UTRN: variants seen among roughly 807,000 people sequenced by gnomAD.
The protein encoded by UTRN is utrophin.
In UTRN, 283 loss-of-function variants were observed where a neutral mutation model predicts 463.9. That is an observed-to-expected ratio of 0.61 (90% CI 0.55 to 0.67). The LOEUF (loss-of-function observed/expected upper bound fraction) is 0.67. UTRN is among the 30% of genes least tolerant of loss of function. The pLI, the probability that UTRN is intolerant of heterozygous loss-of-function variation, is 0.00. For missense variants in UTRN, 3,922 were observed against 4,084.3 expected (o/e 0.96, Z 1.08); for synonymous variants, 1,442 against 1,431.5 (o/e 1.01, Z -0.17).
chr6:144,441,645 G>A (rs867625105), intron 13 of UTRN, among the ~76,000 whole-genome samples: 23 of 152,316 alleles, frequency 1.5e-4, no homozygotes, highest in East Asian at 3.9e-4. Flanking sequence ...GACAGTGGCC[G>A]TCTTCTCACA....
chr6:144,514,511 C>A, intron 36 of UTRN, 139 bp from the exon 37 acceptor site: 1 of 858,646 alleles, frequency 1.2e-6, no homozygotes, highest in East Asian at 2.6e-5. Flanking sequence ...GAACAGCTCT[C>A]ACCTGGTTGA....
In UTRN at chr6:144,602,609, A is replaced by C. The variant is rs551822208; in HGVS notation, c.7479+25321A>C. ...TGAATCAATGAGTGATGTCTGTCAT[A>C]GTGGTGGGAGTAGATTAATAAAGGA... On this transcript the variant is annotated intron_variant, in intron 51 of 74. Transcript: ENST00000367545. 2.0e-5 allele frequency among the ~76,000 whole-genome samples: 3 copies of C among 152,366 alleles called. No individual in the cohort carries two copies. In the East Asian group the frequency reaches 5.8e-4, roughly 29 times the overall value.
chr6:144,695,346 CT>C lies in UTRN; in HGVS notation c.7653-4726del, dbSNP rs202017323. On this transcript the variant is annotated intron_variant, in intron 52 of 74. Coordinates refer to ENST00000367545, the MANE Select transcript of UTRN (RefSeq NM_007124.3). ...TTCTCTTTGGATAGCCATGATTAAA[CT>C]TTTTTTTTTTTTTTGAGACAGAGTC... 3.8e-3 allele frequency among the ~76,000 whole-genome samples: 546 copies of C among 142,616 alleles called. 3 individuals carry two copies. The highest frequency in any genetic ancestry group is 0.011 in the Middle Eastern group (3 of 274). 93.6% of individuals were successfully genotyped at this position (142,616 alleles called of 152,430 possible).
chr6:144,743,122 G>A (rs1039060788), intron 54 of UTRN, among the ~76,000 whole-genome samples: 4 of 152,080 alleles, frequency 2.6e-5, no homozygotes, highest in Admixed American at 1.3e-4. Context: ...ATTCAATTCC[G>A]TCCAACTCAA....
At chr6:144,813,165 T>TTTTTTATTTTTA (rs202044328) in intron 65 of UTRN, among the ~76,000 whole-genome samples, 239 of 151,452 alleles carry the variant, frequency 1.6e-3, no homozygotes, top group African/African-American at 5.7e-3. Context: ...GTTGTTTTAT[T>TTTTTTATTTTTA]TTTTTATTTT....
intron 1 of UTRN, among the ~76,000 whole-genome samples, chr6:144,289,052 AGCCTCC>A (rs1361186247): frequency 2.0e-5 from 3 of 152,200 alleles, no homozygotes; most frequent in Admixed American, 6.5e-5. Flanking sequence ...TGCCTGCCTC[AGCCTCC>A]CAAAGAGCTG....
intron 51 of UTRN, among the ~76,000 whole-genome samples, chr6:144,616,422 A>T (rs1021974578): frequency 6.6e-6 from 1 of 152,160 alleles, no homozygotes; most frequent in Non-Finnish European, 1.5e-5. Context: ...GCTACAAGCC[A>T]TTATAATTTG....
intron 2 of UTRN, among the ~76,000 whole-genome samples, chr6:144,360,986 T>A (rs1779034606): frequency 6.6e-6 from 1 of 152,212 alleles, no homozygotes; most frequent in Non-Finnish European, 1.5e-5. Flanking sequence ...TGACTTTGAT[T>A]GATGAAAGAA....
chr6:144,700,063 AT>A (rs1784428730), intron 52 of UTRN, 23 bp from the exon 53 acceptor site: 1 of 1,546,992 alleles, frequency 6.5e-7, no homozygotes. Flanking sequence ...TGTGGTTATT[AT>A]TATTATTATT....
At chr6:144,345,038 TCATA>T (rs1377515800) in intron 2 of UTRN, among the ~76,000 whole-genome samples, 1 of 152,242 alleles carries the variant, frequency 6.6e-6, no homozygotes, top group Non-Finnish European at 1.5e-5. Context: ...TTTTATTCGA[TCATA>T]CATATCATGC....
intron 2 of UTRN, among the ~76,000 whole-genome samples, chr6:144,376,387 G>A (rs1379493641): frequency 1.3e-5 from 2 of 151,668 alleles, no homozygotes; most frequent in Non-Finnish European, 2.9e-5. Context: ...CTCGGGAGGC[G>A]TGAGTTGCAG....
chr6:144,429,625 T>C lies in UTRN; in HGVS notation c.739T>C (p.Leu247=). 1 of 1,612,584 alleles carries C rather than the reference T, an allele frequency of 6.2e-7. No homozygotes were observed. ...TGACAAGAAATCCATAATTATGTAT[T>C]TAACATCTTTGTTTGAGGTGCTACC... is the stretch of plus-strand genomic sequence containing the variant. ...LPDKKSIIMY[L]TSLFEVLPQQ... Residue 247 remains leucine (L), a synonymous_variant, in exon 9 of 75, where the codon TTA becomes CTA. Transcript: ENST00000367545.
chr6:144,817,756 T>C (rs978304568), intron 65 of UTRN, among the ~76,000 whole-genome samples: 6 of 152,204 alleles, frequency 3.9e-5, no homozygotes, highest in African/African-American at 1.2e-4. Context: ...CACTTTTTCT[T>C]TTAATATTGC....
chr6:144,671,159 TTC>T (rs1301857551), intron 51 of UTRN, among the ~76,000 whole-genome samples: 2 of 151,956 alleles, frequency 1.3e-5, no homozygotes, highest in Non-Finnish European at 2.9e-5. Context: ...TTTTTTTTTT[TTC>T]TAGTTCTATG....
intron 54 of UTRN, among the ~76,000 whole-genome samples, chr6:144,741,867 G>A (rs1047375629): frequency 6.6e-6 from 1 of 152,134 alleles, no homozygotes; most frequent in African/African-American, 2.4e-5. Flanking sequence ...CACAAGAAGA[G>A]TAAACCTTGA....
At chr6:144,628,654 A>G (rs929929848) in intron 51 of UTRN, among the ~76,000 whole-genome samples, 3 of 152,228 alleles carry the variant, frequency 2.0e-5, no homozygotes, top group Non-Finnish European at 2.9e-5. Context: ...ACTAACTCAT[A>G]TCCTAAATAG....
chr6:144,772,030 T>TG, intron 59 of UTRN, 62 bp downstream of exon 59: 3 of 1,035,322 alleles, frequency 2.9e-6, no homozygotes, highest in Non-Finnish European at 2.6e-6. Flanking sequence ...TTTTTTTTTT[T>TG]TTTTTTTTTT....
Position 144,593,813 on chromosome 6 carries a change from T to C in UTRN, c.7479+16525T>C, listed in dbSNP as rs562817590. Among the ~76,000 whole-genome samples the C allele has an allele frequency of 2.6e-5, 4 of 152,248 alleles. No homozygotes were observed. In the South Asian group the frequency reaches 8.3e-4, roughly 31 times the overall value. On this transcript the variant is annotated intron_variant, in intron 51 of 74. Transcript: ENST00000367545. ...TGCCCTTTTGATTGCCAGCTATGTA[T>C]GCCAGATCTTTTTGACTGTTTCCAA...
chr6:144,715,801 T>C (rs1786373647), intron 53 of UTRN, among the ~76,000 whole-genome samples: 2 of 151,274 alleles, frequency 1.3e-5, no homozygotes, highest in South Asian at 4.2e-4. Context: ...GTACTCTGGA[T>C]GCTCGATAAA....
Sources: allele counts gnomAD v4.1 joint callset (sites outside exome capture counted in the v4.1 genomes callset), GRCh38; gene constraint gnomAD v4.1.1; transcripts MANE v1.5; gene names NCBI Gene and HGNC (gene_info 2026-07-23, HGNC 2026-07-21).